The following DLEU7 variants were observed in gnomAD, a reference collection of about 807,000 sequenced individuals.
DLEU7 encodes the protein deleted in lymphocytic leukemia 7.
DLEU7 carries 17 observed loss-of-function variants against 16.0 expected under a neutral mutation model. The ratio of observed to expected loss-of-function variants is 1.06; its 90% CI spans 0.73 to 1.59. The LOEUF (loss-of-function observed/expected upper bound fraction) is 1.59, where lower values mean the gene tolerates loss of function less well. Among genes scored for constraint, DLEU7 ranks in the 40% most tolerant of loss-of-function variants. DLEU7 has a pLI of 0.00. For missense variants in DLEU7, 308 were observed against 314.9 expected (o/e 0.98, Z 0.17); for synonymous variants, 113 against 139.8 (o/e 0.81, Z 1.35).
upstream of DLEU7, chr13:50,843,709 G>A (rs553127109): frequency 6.1e-6 from 9 of 1,471,626 alleles, no homozygotes; most frequent in African/African-American, 1.5e-5. The surrounding 1 kb of genome is among the most constrained non-coding windows in gnomAD (Gnocchi z 5.7). Flanking sequence ...GGAGGCGGGG[G>A]CGTTGGGGTC....
chr13:50,779,683 C>T (rs1197799790), intron 1 of DLEU7, among the ~76,000 whole-genome samples: 1 of 152,118 alleles, frequency 6.6e-6, no homozygotes, highest in African/African-American at 2.4e-5. Flanking sequence ...ACGGATTGGT[C>T]CTGTCTAGGT....
intron 1 of DLEU7, among the ~76,000 whole-genome samples, chr13:50,810,907 A>G (rs1190979199): frequency 6.6e-6 from 1 of 152,192 alleles, no homozygotes; most frequent in African/African-American, 2.4e-5. Flanking sequence ...TTGACCCCAG[A>G]AATTCATTTT....
intron 1 of DLEU7, among the ~76,000 whole-genome samples, chr13:50,772,659 T>C (rs1875355382): frequency 6.6e-6 from 1 of 152,246 alleles, no homozygotes; most frequent in Non-Finnish European, 1.5e-5. Context: ...GGGCTTCCCT[T>C]TGTGGGTAAC....
intron 1 of DLEU7, among the ~76,000 whole-genome samples, chr13:50,728,970 G>A (rs747419510): frequency 3.3e-5 from 5 of 152,090 alleles, no homozygotes; most frequent in Non-Finnish European, 7.4e-5. Context: ...CACCTGCACA[G>A]TTGAAAATCT....
intron 1 of DLEU7, among the ~76,000 whole-genome samples, chr13:50,776,359 G>T (rs1367322979): frequency 6.6e-6 from 1 of 152,188 alleles, no homozygotes; most frequent in African/African-American, 2.4e-5. Context: ...GCTGTCACTG[G>T]CCTGGGCACA....
exon 2 of DLEU7, chr13:50,712,709 T>G (rs1242137603): frequency 6.5e-6 from 1 of 154,138 alleles, no homozygotes; most frequent in African/African-American, 2.4e-5. Flanking sequence ...TTTGCAGTCA[T>G]CAGCATTCTG....
intron 1 of DLEU7, among the ~76,000 whole-genome samples, chr13:50,809,606 C>T (rs181463870): frequency 1.1e-3 from 170 of 152,192 alleles, no homozygotes; most frequent in Non-Finnish European, 2.0e-3. Flanking sequence ...TCTGTCTCCA[C>T]GGAAAAGCCC....
intron 1 of DLEU7, among the ~76,000 whole-genome samples, chr13:50,743,681 A>G (rs1489778121): frequency 6.6e-6 from 1 of 152,214 alleles, no homozygotes; most frequent in African/African-American, 2.4e-5. Flanking sequence ...TTAAAATATG[A>G]TTAAGGATCT....
chr13:50,800,292 G>A (rs1876212135), intron 1 of DLEU7, among the ~76,000 whole-genome samples: 3 of 152,110 alleles, frequency 2.0e-5, no homozygotes, highest in Non-Finnish European at 4.4e-5. Context: ...TGCTCAGCCC[G>A]GTTGACTGAG....
At chr13:50,802,258 G>C (rs1876272752) in intron 1 of DLEU7, among the ~76,000 whole-genome samples, 1 of 151,622 alleles carries the variant, frequency 6.6e-6, no homozygotes, top group South Asian at 2.1e-4. Flanking sequence ...AAACCCAACT[G>C]ATGCTTCTCC....
At chr13:50,718,303 G>T (rs1187271442) in intron 1 of DLEU7, among the ~76,000 whole-genome samples, 1 of 152,130 alleles carries the variant, frequency 6.6e-6, no homozygotes, top group Admixed American at 6.5e-5. Context: ...TATTTCCAAA[G>T]AAAAGGCTTT....
rs968294888 is a variant in DLEU7 at position 50,788,369 on chromosome 13, A to G, written c.459+54819T>C. On this transcript the variant is annotated intron_variant, in intron 1 of 1. Transcript: ENST00000400393. ...CTGGGCTGGCCTGTGACATCTCCCA[A>G]CACATTCCCCCAGACCCTCCTGTGC... is the stretch of plus-strand genomic sequence containing the variant. 1.3e-4 allele frequency among the ~76,000 whole-genome samples: 20 copies of G among 152,214 alleles called. 1 individual carries two copies. The highest frequency in any genetic ancestry group is 6.5e-4 in the Admixed American group (10 of 15,296).
chr13:50,801,806 C>G (rs1438687764), intron 1 of DLEU7, among the ~76,000 whole-genome samples: 1 of 152,112 alleles, frequency 6.6e-6, no homozygotes, highest in Admixed American at 6.6e-5. Flanking sequence ...CTATGTCAAT[C>G]TGTTTCCATG....
At chr13:50,718,147 T>C (rs1221538840) in intron 1 of DLEU7, among the ~76,000 whole-genome samples, 2 of 152,154 alleles carry the variant, frequency 1.3e-5, no homozygotes, top group Non-Finnish European at 2.9e-5. Flanking sequence ...TTTAAATGTA[T>C]CAATGTGCTC....
At chr13:50,792,001 T>C (rs1321421068) in intron 1 of DLEU7, among the ~76,000 whole-genome samples, 1 of 152,166 alleles carries the variant, frequency 6.6e-6, no homozygotes, top group African/African-American at 2.4e-5. Flanking sequence ...TCTCTTACAT[T>C]TTTTTAGGAC....
At chr13:50,786,965 A>G (rs914815148) in intron 1 of DLEU7, among the ~76,000 whole-genome samples, 5 of 152,208 alleles carry the variant, frequency 3.3e-5, no homozygotes, top group Admixed American at 2.6e-4. Context: ...TGACTTCCTT[A>G]AGCCTTGGAA....
At chr13:50,739,754 G>A (rs1021008221) in intron 1 of DLEU7, among the ~76,000 whole-genome samples, 1 of 152,098 alleles carries the variant, frequency 6.6e-6, no homozygotes, top group Non-Finnish European at 1.5e-5. Flanking sequence ...CAACACCAAA[G>A]AGACCAAAAC....
At chr13:50,823,963 C>T (rs928224057) in intron 1 of DLEU7, among the ~76,000 whole-genome samples, 2 of 152,222 alleles carry the variant, frequency 1.3e-5, no homozygotes, top group African/African-American at 4.8e-5. Flanking sequence ...GTGGCTCTAG[C>T]TATACTTGAA....
downstream of DLEU7, among the ~76,000 whole-genome samples, chr13:50,819,755 A>G (rs1419758635): frequency 1.3e-5 from 2 of 152,148 alleles, no homozygotes; most frequent in Admixed American, 6.6e-5. Context: ...GGGAATCCAT[A>G]ATTCCATTTT....
Sources: allele counts gnomAD v4.1 joint callset (sites outside exome capture counted in the v4.1 genomes callset), GRCh38; gene constraint gnomAD v4.1.1; non-coding constraint Gnocchi (gnomAD v3.1); transcripts MANE v1.5; gene names NCBI Gene and HGNC (gene_info 2026-07-23, HGNC 2026-07-21).